The following PIK3R1 variants were observed in gnomAD, a reference collection of about 807,000 sequenced individuals.
The protein encoded by PIK3R1 is phosphoinositide-3-kinase regulatory subunit 1, also known as phosphatidylinositol 3-kinase regulatory subunit alpha.
PIK3R1 carries 29 observed loss-of-function variants against 98.0 expected under a neutral mutation model. The observed-to-expected ratio is 0.30, with a 90% CI of 0.22 to 0.40. PIK3R1 has a LOEUF of 0.40. Among genes scored for constraint, PIK3R1 ranks in the 10% least tolerant of loss-of-function variants. The probability of loss-of-function intolerance (pLI) is 1.00; values close to 1 mark genes in which losing one functional copy is unlikely to be tolerated. For synonymous variants in PIK3R1, 282 were observed against 311.8 expected (o/e 0.90, Z 1.01); for missense variants, 596 against 872.7 (o/e 0.68, Z 3.99).
At chr5:68,274,534 T>C (rs1746494865) in intron 4 of PIK3R1, among the ~76,000 whole-genome samples, 1 of 152,180 alleles carries the variant, frequency 6.6e-6, no homozygotes, top group Non-Finnish European at 1.5e-5. Context: ...CATCACGATA[T>C]TGTTATGTTC....
At chr5:68,255,765 G>T (rs959213729) in intron 2 of PIK3R1, among the ~76,000 whole-genome samples, 1 of 152,162 alleles carries the variant, frequency 6.6e-6, no homozygotes, top group Non-Finnish European at 1.5e-5. Flanking sequence ...TCTTGTAGTC[G>T]ACAGATTATA....
intron 1 of PIK3R1, chr5:68,217,546 G>A (rs1020860653): frequency 3.9e-5 from 6 of 152,180 alleles, no homozygotes; most frequent in Admixed American, 2.0e-4. Flanking sequence ...GCAGATAAGA[G>A]TTTTCTTAGG....
At chr5:68,217,200 T>C (rs907814615) in intron 1 of PIK3R1, among the ~76,000 whole-genome samples, 5 of 152,200 alleles carry the variant, frequency 3.3e-5, no homozygotes, top group Admixed American at 6.5e-5. Context: ...GTGATGAGGC[T>C]CAAGTTTTAG....
intron 7 of PIK3R1, among the ~76,000 whole-genome samples, chr5:68,286,137 C>G (rs1747068657): frequency 6.6e-6 from 1 of 152,248 alleles, no homozygotes; most frequent in African/African-American, 2.4e-5. Context: ...AGACATTTTC[C>G]TAACTATATC....
Position 68,275,829 on chromosome 5 carries a change from TA to T in PIK3R1, c.502+1827del, listed in dbSNP as rs879321508. ...AAGCTCCAAAATAGTCACTTACACC[TA>T]AAAAAAAAAATTATGGCTTTTAACT... On this transcript the variant is annotated intron_variant, in intron 4 of 15. Coordinates refer to ENST00000521381, the MANE Select transcript of PIK3R1 (RefSeq NM_181523.3). 3.3e-4 allele frequency among the ~76,000 whole-genome samples: 48 copies of T among 147,548 alleles called. No homozygotes were observed. In the East Asian group the frequency reaches 3.5e-3, roughly 11 times the overall value.
intron 2 of PIK3R1, among the ~76,000 whole-genome samples, chr5:68,262,735 G>GTAGATGCATGTAGATACATGTATACATA (rs1329315835): frequency 2.2e-5 from 3 of 139,362 alleles, no homozygotes; most frequent in Non-Finnish European, 3.2e-5. Context: ...ATATATACAT[G>GTAGATGCATGTAGATACATGTATACATA]TAGATGCATG....
intron 2 of PIK3R1, among the ~76,000 whole-genome samples, chr5:68,265,881 G>A (rs1746103028): frequency 6.6e-6 from 1 of 152,204 alleles, no homozygotes; most frequent in Non-Finnish European, 1.5e-5. Flanking sequence ...ATTTAAAAAT[G>A]TCAGAGAAAA....
chr5:68,271,046 A>C (rs916071836), intron 2 of PIK3R1, among the ~76,000 whole-genome samples: 1 of 152,228 alleles, frequency 6.6e-6, no homozygotes, highest in African/African-American at 2.4e-5. Context: ...ATTTTTTCAT[A>C]GGATCACCCA....
chr5:68,260,944 T>G (rs963137840), intron 2 of PIK3R1, among the ~76,000 whole-genome samples: 3 of 152,222 alleles, frequency 2.0e-5, no homozygotes, highest in Non-Finnish European at 2.9e-5. Context: ...AAAGTGAAAA[T>G]GTATACCAAA....
intron 2 of PIK3R1, among the ~76,000 whole-genome samples, chr5:68,264,778 A>G (rs1746052932): frequency 6.6e-6 from 1 of 152,094 alleles, no homozygotes; most frequent in Non-Finnish European, 1.5e-5. Flanking sequence ...TTCCTGTGGG[A>G]CCTTGGGCAA....
chr5:68,257,237 G>A lies in PIK3R1; in HGVS notation c.335-16153G>A, dbSNP rs141444978. 7.2e-3 allele frequency among the ~76,000 whole-genome samples: 1,104 copies of A among 152,318 alleles called. 7 individuals carry two copies. The highest frequency in any genetic ancestry group is 9.2e-3 in the Non-Finnish European group (626 of 68,026). ...GATAGCTGCTCCATCCAGAGGAAGA[G>A]CCATGAAGTTCCCCCGACCCACACA... On this transcript the variant is annotated intron_variant, in intron 2 of 15. Transcript: ENST00000521381.
chr5:68,218,469 C>T (rs1743980282), intron 1 of PIK3R1, among the ~76,000 whole-genome samples: 2 of 152,102 alleles, frequency 1.3e-5, no homozygotes, highest in Admixed American at 6.5e-5. Flanking sequence ...TGTAAAAAGG[C>T]ATCTACTCTG....
chr5:68,255,707 T>C (rs906916710), intron 2 of PIK3R1, among the ~76,000 whole-genome samples: 2 of 152,222 alleles, frequency 1.3e-5, no homozygotes, highest in Non-Finnish European at 2.9e-5. Flanking sequence ...GCTATCAATG[T>C]GAAAAAGCTG....
chr5:68,231,766 A>G (rs924853285), intron 2 of PIK3R1, among the ~76,000 whole-genome samples: 37 of 152,340 alleles, frequency 2.4e-4, no homozygotes, highest in African/African-American at 8.4e-4. Flanking sequence ...ATACTTTCTC[A>G]TAACATTCTT....
intron 4 of PIK3R1, among the ~76,000 whole-genome samples, chr5:68,275,993 A>C (rs1746557274): frequency 6.6e-6 from 1 of 152,238 alleles, no homozygotes; most frequent in African/African-American, 2.4e-5. Context: ...ACCAGAAAAG[A>C]AAGCTGACCC....
rs1748040613 is a variant in PIK3R1 at position 68,301,370 on chromosome 5, G to GTA, written c.*3770_*3771insAT. The GTA allele has an allele frequency of 3.7e-4, 10 of 27,356 alleles. No individual in the cohort carries two copies. The highest frequency in any genetic ancestry group is 6.6e-4 in the Non-Finnish European group (10 of 15,176). The allele number at this position is 27,356 out of a possible 1,614,324, so 1.7% of individuals were successfully genotyped here. A position where few individuals can be genotyped will look rare whatever the true frequency, so the allele number is the denominator to read the frequency against. On this transcript the variant is annotated 3_prime_UTR_variant, in exon 16 of 16. Transcript: ENST00000521381. Reference sequence around the variant, plus strand: ...TATATATATATATATATATATATGTGTGTGTGTGTGTGTGTGTGTGTGTAT... The same window carrying GTA: ...TATATATATATATATATATATATGTGTATGTGTGTGTGTGTGTGTGTGTGTAT...
In PIK3R1 at chr5:68,300,760, G is replaced by A. The variant is rs1301254019; in HGVS notation, c.*3159G>A. ...GTACAATTCTTACTTATGTGTATGGGATTTTTCCCTTTGAGGTTGCTTTGT... is the reference window on the plus strand; with the variant it reads ...GTACAATTCTTACTTATGTGTATGGAATTTTTCCCTTTGAGGTTGCTTTGT... On this transcript the variant is annotated 3_prime_UTR_variant, in exon 16 of 16. Transcript: ENST00000521381. The A allele has an allele frequency of 4.3e-6, 1 of 233,132 alleles. No homozygotes were observed. Among genetic ancestry groups the A allele is most frequent in the Non-Finnish European group, 8.5e-6 (1 of 118,048 alleles). The allele number at this position is 233,132 out of a possible 1,614,324, so 14.4% of individuals were successfully genotyped here.
chr5:68,233,785 G>A lies in PIK3R1; in HGVS notation c.334+6776G>A, dbSNP rs182396294. 5.7e-3 allele frequency among the ~76,000 whole-genome samples: 866 copies of A among 152,270 alleles called. 3 individuals are homozygous for A. Among genetic ancestry groups the A allele is most frequent in the Non-Finnish European group, 9.5e-3 (647 of 68,010 alleles). On this transcript the variant is annotated intron_variant, in intron 2 of 15. Transcript: ENST00000521381. ...CAATTAAAAACAAAACAAATCAGCT[G>A]CAAACCTTTGTTTAATTATGTATGC... is the stretch of plus-strand genomic sequence containing the variant.
At chr5:68,296,092 G>GTA in intron 14 of PIK3R1, 79 bp from the exon 15 acceptor site, 1 of 1,391,338 alleles carries the variant, frequency 7.2e-7, no homozygotes, top group South Asian at 1.3e-5. Context: ...AGTGACGGGG[G>GTA]TATGCCTAGG....
Sources: allele counts gnomAD v4.1 joint callset (sites outside exome capture counted in the v4.1 genomes callset), GRCh38; gene constraint gnomAD v4.1.1; transcripts MANE v1.5; gene names NCBI Gene and HGNC (gene_info 2026-07-23, HGNC 2026-07-21).